The following PSPC1 variants were observed in gnomAD, a reference collection of about 807,000 sequenced individuals.
The protein encoded by PSPC1 is paraspeckle protein 1.
Under a neutral mutation model 51.6 loss-of-function variants are expected in PSPC1, and 14 were observed. The observed-to-expected ratio is 0.27, with a 90% CI of 0.18 to 0.42. The LOEUF (loss-of-function observed/expected upper bound fraction) is 0.42, where lower values mean the gene tolerates loss of function less well. PSPC1 is among the 10% of genes least tolerant of loss of function. The probability of loss-of-function intolerance (pLI) is 1.00; values close to 1 mark genes in which losing one functional copy is unlikely to be tolerated. For synonymous variants in PSPC1, 193 were observed against 231.9 expected (o/e 0.83, Z 1.53); for missense variants, 406 against 701.1 (o/e 0.58, Z 4.75).
At chr13:19,775,167 T>C (rs922172307) in intron 1 of PSPC1, among the ~76,000 whole-genome samples, 6 of 151,578 alleles carry the variant, frequency 4.0e-5, no homozygotes, top group Non-Finnish European at 7.4e-5. Flanking sequence ...TGAAACCCCG[T>C]CTCTACTAAA....
intron 6 of PSPC1, among the ~76,000 whole-genome samples, chr13:19,690,395 G>A (rs1878410793): frequency 6.6e-6 from 1 of 152,158 alleles, no homozygotes; most frequent in East Asian, 1.9e-4. Context: ...CTGACGAGTT[G>A]CTCCTAGCAG....
At position 19,768,744 on chromosome 13, in the gene PSPC1, A is replaced by C. The variant is rs1011498613; in HGVS notation, c.674+3498T>G. ...CAGGAAAGATATATAATTGGCCAAAAAGCACATGAAAAGATGCTCATCATT... is the reference window on the plus strand; with the variant it reads ...CAGGAAAGATATATAATTGGCCAAACAGCACATGAAAAGATGCTCATCATT... On this transcript the variant is annotated intron_variant, in intron 2 of 8. Coordinates refer to ENST00000338910, the MANE Select transcript of PSPC1 (RefSeq NM_001354909.2). 6.0e-5 allele frequency among the ~76,000 whole-genome samples: 9 copies of C among 151,174 alleles called. No homozygotes were observed. The East Asian group carries it at 1.7e-3, about 29-fold the overall frequency.
At chr13:19,743,998 C>T (rs1271080103) in intron 4 of PSPC1, among the ~76,000 whole-genome samples, 1 of 152,102 alleles carries the variant, frequency 6.6e-6, no homozygotes, top group Non-Finnish European at 1.5e-5. Flanking sequence ...ATCAGAGCTA[C>T]TCAGGAGGCT....
At chr13:19,671,787 G>T (rs1876143484), downstream of PSPC1, 2 of 1,584,820 alleles carry the variant, frequency 1.3e-6, no homozygotes, top group South Asian at 1.1e-5. Context: ...TGTAAGAAAG[G>T]GGAAATCTGG....
chr13:19,732,289 A>AT (rs1214243682), intron 5 of PSPC1, among the ~76,000 whole-genome samples: 1 of 152,214 alleles, frequency 6.6e-6, no homozygotes, highest in Admixed American at 6.5e-5. Flanking sequence ...CACATTTCAT[A>AT]TATTTTACTG....
chr13:19,711,365 G>A (rs145645522), intron 6 of PSPC1, among the ~76,000 whole-genome samples: 117 of 152,008 alleles, frequency 7.7e-4, no homozygotes, highest in African/African-American at 2.7e-3. Context: ...GGTTGGGCGC[G>A]GTGGCTCACG....
chr13:19,698,361 T>C (rs1344013993), downstream of PSPC1, among the ~76,000 whole-genome samples: 1 of 151,882 alleles, frequency 6.6e-6, no homozygotes, highest in Non-Finnish European at 1.5e-5. Context: ...TTCAACACCA[T>C]CAACAAAACA....
intron 6 of PSPC1, among the ~76,000 whole-genome samples, chr13:19,711,426 G>A (rs1220503522): frequency 2.0e-5 from 3 of 152,068 alleles, no homozygotes; most frequent in African/African-American, 4.8e-5. Flanking sequence ...CATGAGGTCA[G>A]GAGATTGAGA....
intron 6 of PSPC1, among the ~76,000 whole-genome samples, chr13:19,694,751 G>T (rs916340067): frequency 6.6e-6 from 1 of 152,116 alleles, no homozygotes; most frequent in African/African-American, 2.4e-5. Context: ...ACTACTACTA[G>T]GATGGTTCAG....
intron 5 of PSPC1, among the ~76,000 whole-genome samples, chr13:19,738,448 C>T (rs1206278090): frequency 6.6e-6 from 1 of 152,124 alleles, no homozygotes; most frequent in Non-Finnish European, 1.5e-5. Flanking sequence ...AGCATCTCTA[C>T]TTATAATACC....
Position 19,777,429 on chromosome 13 carries a change from C to CAA in PSPC1, c.373-4888_373-4887dup, listed in dbSNP as rs397938970. 9.0e-3 allele frequency among the ~76,000 whole-genome samples: 412 copies of CAA among 45,780 alleles called. 1 individual carries two copies. The highest frequency in any genetic ancestry group is 0.018 in the East Asian group (30 of 1,714). The allele number at this position is 45,780 out of a possible 152,430, so 30.0% of individuals were successfully genotyped here. On this transcript the variant is annotated intron_variant, in intron 1 of 8. Transcript: ENST00000338910. ...TGGGCGACACAGCAAGACCTCAGCT[C>CAA]AAAAAAAAAAAAAAAAAAAAAAGAT... is the stretch of plus-strand genomic sequence containing the variant.
chr13:19,776,758 C>T (rs1054876484), intron 1 of PSPC1, among the ~76,000 whole-genome samples: 3 of 151,626 alleles, frequency 2.0e-5, no homozygotes, highest in Non-Finnish European at 4.4e-5. Context: ...ACGCCTGCCT[C>T]GGCCTCCCAA....
At chr13:19,692,386 G>T (rs1878675464) in intron 6 of PSPC1, among the ~76,000 whole-genome samples, 1 of 152,152 alleles carries the variant, frequency 6.6e-6, no homozygotes, top group South Asian at 2.1e-4. Context: ...AAAGTGCTCA[G>T]ATTACAGCAT....
At chr13:19,687,771 GC>G (rs1425716903) in intron 6 of PSPC1, among the ~76,000 whole-genome samples, 1 of 151,890 alleles carries the variant, frequency 6.6e-6, no homozygotes, top group Non-Finnish European at 1.5e-5. Flanking sequence ...TGCAGTTAAG[GC>G]CATTCAAATG....
At chr13:19,773,140 A>G (rs1259777361) in intron 1 of PSPC1, among the ~76,000 whole-genome samples, 4 of 152,090 alleles carry the variant, frequency 2.6e-5, no homozygotes. Flanking sequence ...AGCCTGGTGA[A>G]CAGAGCAAGA....
At chr13:19,721,949 C>A (rs1450497068) in intron 6 of PSPC1, among the ~76,000 whole-genome samples, 1 of 152,166 alleles carries the variant, frequency 6.6e-6, no homozygotes. Context: ...TGTGTAATAT[C>A]TGAGGCATTA....
chr13:19,727,410 A>G (rs937593908), intron 6 of PSPC1, among the ~76,000 whole-genome samples: 1 of 152,190 alleles, frequency 6.6e-6, no homozygotes, highest in African/African-American at 2.4e-5. Context: ...ATAAATAAAA[A>G]AAAAAAGAAA....
At chr13:19,730,968 A>AAAAAAAAAAAAAAAAAAC (rs1884020611) in intron 5 of PSPC1, among the ~76,000 whole-genome samples, 1 of 141,892 alleles carries the variant, frequency 7.0e-6, no homozygotes, top group Non-Finnish European at 1.6e-5. Flanking sequence ...AAAAAAACAA[A>AAAAAAAAAAAAAAAAAAC]AAAAAAAAAA....
In PSPC1 at chr13:19,702,947, A is replaced by G. The variant is rs79328063; in HGVS notation, c.*228T>C. On this transcript the variant is annotated 3_prime_UTR_variant, in exon 9 of 9. Transcript: ENST00000338910. ...TACTATGGAATACTTATATTTAGCTAAAGTCACAAACACATTTCAACATTC... is the reference window on the plus strand; with the variant it reads ...TACTATGGAATACTTATATTTAGCTGAAGTCACAAACACATTTCAACATTC... The G allele has an allele frequency of 2.5e-6, 1 of 395,516 alleles. No individual in the cohort carries two copies. Among genetic ancestry groups the G allele is most frequent in the Non-Finnish European group, 4.8e-6 (1 of 209,536 alleles). The allele number at this position is 395,516 out of a possible 1,614,324, so 24.5% of individuals were successfully genotyped here. A position where few individuals can be genotyped will look rare whatever the true frequency, so the allele number is the denominator to read the frequency against.
Sources: gnomAD v4.1 joint callset for allele counts (sites outside exome capture counted in the v4.1 genomes callset) on GRCh38, gnomAD v4.1.1 for gene constraint, MANE v1.5 for transcripts, NCBI Gene and HGNC (gene_info 2026-07-23, HGNC 2026-07-21) for gene names.